The following PKIB variants were observed in gnomAD, a reference collection of about 807,000 sequenced individuals.
PKIB encodes the protein cAMP-dependent protein kinase inhibitor beta.
A neutral mutation model predicts 4.5 loss-of-function variants in PKIB; 2 were observed. The ratio of observed to expected loss-of-function variants is 0.44; its 90% CI spans 0.18 to 1.39. The LOEUF (loss-of-function observed/expected upper bound fraction) is 1.39, where lower values mean the gene tolerates loss of function less well. Among genes scored for constraint, PKIB ranks in the 40% most tolerant of loss-of-function variants. The pLI is 0.27. For missense variants in PKIB, 94 were observed against 92.6 expected (o/e 1.02, Z -0.06); for synonymous variants, 38 against 36.0 (o/e 1.06, Z -0.20).
intron 2 of PKIB, among the ~76,000 whole-genome samples, chr6:122,668,862 A>G (rs1777335743): frequency 6.6e-6 from 1 of 152,214 alleles, no homozygotes; most frequent in Non-Finnish European, 1.5e-5. Context: ...CATATCTTCC[A>G]ATGAAACAAT....
At chr6:122,588,616 T>A (rs1209835265) in intron 3 of PKIB, among the ~76,000 whole-genome samples, 2 of 152,176 alleles carry the variant, frequency 1.3e-5, no homozygotes, top group East Asian at 1.9e-4. Context: ...TGTAGTTTTT[T>A]AAAAAATCAC....
rs1779911709 is a variant in PKIB at position 122,725,254 on chromosome 6, G to A, written c.*59G>A. On this transcript the variant is annotated 3_prime_UTR_variant, in exon 5 of 5. Coordinates refer to ENST00000368452, the MANE Select transcript of PKIB (RefSeq NM_181795.3). ...GCATGTTGAAAGACTTAGTGGTTCTGTTTTCTTGAGACATTTAATCTGGTG... is the reference window on the plus strand; with the variant it reads ...GCATGTTGAAAGACTTAGTGGTTCTATTTTCTTGAGACATTTAATCTGGTG... 2 of 1,383,586 alleles carry A rather than the reference G, an allele frequency of 1.4e-6. No individual in the cohort carries two copies. Among genetic ancestry groups the A allele is most frequent in the East Asian group, 2.3e-5 (1 of 43,204 alleles). The allele number at this position is 1,383,586 out of a possible 1,614,324, so 85.7% of individuals were successfully genotyped here.
At chr6:122,608,591 A>T (rs902251735), upstream of PKIB, among the ~76,000 whole-genome samples, 2 of 152,218 alleles carry the variant, frequency 1.3e-5, no homozygotes, top group Admixed American at 1.3e-4. Flanking sequence ...CTTATAAGTC[A>T]TTATTTGGTC....
intron 2 of PKIB, among the ~76,000 whole-genome samples, chr6:122,526,375 A>G (rs139490529): frequency 5.4e-4 from 83 of 152,308 alleles, no homozygotes; most frequent in African/African-American, 1.8e-3. Context: ...GCCCAGATCC[A>G]TCAAATGAAT....
intron 3 of PKIB, among the ~76,000 whole-genome samples, chr6:122,595,852 G>A (rs1774162008): frequency 6.6e-6 from 1 of 152,186 alleles, no homozygotes; most frequent in Non-Finnish European, 1.5e-5. Flanking sequence ...GCTGAGTGGT[G>A]TCCACAGAAC....
At chr6:122,636,406 A>G (rs970749132) in intron 2 of PKIB, among the ~76,000 whole-genome samples, 3 of 152,066 alleles carry the variant, frequency 2.0e-5, no homozygotes, top group African/African-American at 7.2e-5. Context: ...TTTTTCTATG[A>G]CAGCAACAAA....
At chr6:122,504,682 C>T (rs1051080662) in intron 2 of PKIB, among the ~76,000 whole-genome samples, 4 of 151,976 alleles carry the variant, frequency 2.6e-5, no homozygotes, top group African/African-American at 9.7e-5. Flanking sequence ...AAAATTTTAC[C>T]CTGTTATGTA....
chr6:122,661,926 G>A (rs553817863), intron 2 of PKIB, among the ~76,000 whole-genome samples: 1 of 152,060 alleles, frequency 6.6e-6, no homozygotes, highest in African/African-American at 2.4e-5. Flanking sequence ...GTTTTAACTT[G>A]CAGTTCCCTA....
intron 2 of PKIB, among the ~76,000 whole-genome samples, chr6:122,674,709 A>T (rs1427526245): frequency 1.3e-5 from 2 of 152,170 alleles, no homozygotes; most frequent in Non-Finnish European, 2.9e-5. Context: ...AGGTGGTATC[A>T]TGCCAAATAT....
At chr6:122,703,916 ATG>A (rs1562311325) in intron 3 of PKIB, among the ~76,000 whole-genome samples, 1 of 140,210 alleles carries the variant, frequency 7.1e-6, no homozygotes, top group Non-Finnish European at 1.5e-5. Flanking sequence ...CTATATATAT[ATG>A]TGTGTATATA....
At chr6:122,642,115 AT>A (rs1293311412) in intron 2 of PKIB, among the ~76,000 whole-genome samples, 1 of 152,240 alleles carries the variant, frequency 6.6e-6, no homozygotes, top group East Asian at 1.9e-4. Flanking sequence ...TAATCAAGTA[AT>A]TTTTTTTACT....
chr6:122,523,482 GT>G (rs1777006230), intron 2 of PKIB, among the ~76,000 whole-genome samples: 1 of 152,000 alleles, frequency 6.6e-6, no homozygotes, highest in African/African-American at 2.4e-5. Context: ...TTTTTGTGCT[GT>G]TCTCATGATA....
chr6:122,654,464 A>G (rs1425970240), intron 2 of PKIB, among the ~76,000 whole-genome samples: 1 of 152,120 alleles, frequency 6.6e-6, no homozygotes, highest in Admixed American at 6.5e-5. Context: ...GTGACTCCAT[A>G]TCTTACATGC....
intron 2 of PKIB, among the ~76,000 whole-genome samples, chr6:122,668,422 A>T (rs182676946): frequency 2.3e-3 from 356 of 152,322 alleles, no homozygotes; most frequent in Non-Finnish European, 3.7e-3. Context: ...TAAGTGAATT[A>T]GTATGATCGA....
chr6:122,616,490 G>A (rs528491914), intron 1 of PKIB, among the ~76,000 whole-genome samples: 1 of 152,262 alleles, frequency 6.6e-6, no homozygotes, highest in East Asian at 1.9e-4. Context: ...AGGGAATCAC[G>A]CGACACAGTG....
Position 122,657,205 on chromosome 6 carries a change from C to T in PKIB, c.-75-17873C>T, listed in dbSNP as rs1332176597. 2.0e-5 allele frequency among the ~76,000 whole-genome samples: 3 copies of T among 152,212 alleles called. No individual in the cohort carries two copies. The South Asian group carries it at 6.2e-4, about 32-fold the overall frequency. On this transcript the variant is annotated intron_variant, in intron 2 of 4. Coordinates refer to ENST00000368452, the MANE Select transcript of PKIB (RefSeq NM_181795.3). Reference sequence around the variant, plus strand: ...AGTTGTTCAATAAACATTTGTTAAACGAATGAATGATGACCAAAGCTTTCA... The same window carrying T: ...AGTTGTTCAATAAACATTTGTTAAATGAATGAATGATGACCAAAGCTTTCA...
rs533802095 is a variant in PKIB at position 122,713,327 on chromosome 6, G to A, written c.-8-4460G>A. Among the ~76,000 whole-genome samples the A allele has an allele frequency of 1.8e-3, 279 of 152,254 alleles. 1 individual carries two copies. The highest frequency in any genetic ancestry group is 6.5e-3 in the African/African-American group (268 of 41,550). On this transcript the variant is annotated intron_variant, in intron 3 of 4. Coordinates refer to ENST00000368452, the MANE Select transcript of PKIB (RefSeq NM_181795.3). The stretch of plus-strand genomic sequence containing the variant: ...TTGTTAATTCTCTAGAAGAGAAAGA[G>A]GAAGAGTTGCTAGTGAGTCAGCTGC...
At chr6:122,585,126 C>T (rs184954516) in intron 2 of PKIB, among the ~76,000 whole-genome samples, 3 of 152,014 alleles carry the variant, frequency 2.0e-5, no homozygotes, top group Non-Finnish European at 2.9e-5. Flanking sequence ...ATAGGATAGC[C>T]GTACTCTCCA....
chr6:122,684,805 T>C (rs1778033849), intron 3 of PKIB, among the ~76,000 whole-genome samples: 1 of 152,172 alleles, frequency 6.6e-6, no homozygotes, highest in South Asian at 2.1e-4. Context: ...TTGTCACTTG[T>C]TTTGTTTTCC....
Sources: gnomAD v4.1 joint callset for allele counts (sites outside exome capture counted in the v4.1 genomes callset) on GRCh38, gnomAD v4.1.1 for gene constraint, MANE v1.5 for transcripts, NCBI Gene and HGNC (gene_info 2026-07-23, HGNC 2026-07-21) for gene names.